The following DNAI7 variants were observed in gnomAD, a reference collection of about 807,000 sequenced individuals.
The protein encoded by DNAI7 is cancer susceptibility 1.
Under a neutral mutation model 86.6 loss-of-function variants are expected in DNAI7, and 78 were observed. That is an observed-to-expected ratio of 0.90 (90% CI 0.75 to 1.09). DNAI7 has a LOEUF of 1.09. Among genes scored for constraint, DNAI7 ranks in the 50% least tolerant of loss-of-function variants. The pLI is 0.00. For missense variants in DNAI7, 753 were observed against 810.2 expected, an observed-to-expected ratio of 0.93 and a Z score of 0.86; for synonymous variants, 274 against 273.0, an observed-to-expected ratio of 1.00 and a Z score of -0.04.
chr12:25,184,058 T>C (rs1242195605), intron 2 of DNAI7, among the ~76,000 whole-genome samples: 1 of 152,202 alleles, frequency 6.6e-6, no homozygotes, highest in African/African-American at 2.4e-5. Flanking sequence ...ACTCAATCTG[T>C]CCTTCCCCTA....
Position 25,121,758 on chromosome 12 carries a change from C to T in DNAI7, c.1234G>A (p.Val412Met). Residue 412 changes from valine (V) to methionine (M), a missense_variant, in exon 11 of 16, where the codon GTG becomes ATG. Val to Met is a conservative substitution (Grantham distance 21, BLOSUM62 1). Transcript: ENST00000395987. ...TGATTCAAGAATCAACCTACTTCCA[C>T]AATCATCCATCCCTTCACTGGTTTA... ...QCKPVKGWMI[V>M]EILKEGLQKY... is the part of the protein sequence containing the mutation. The T allele has an allele frequency of 6.3e-7, 1 of 1,595,332 alleles. No individual in the cohort carries two copies. The highest frequency in any genetic ancestry group is 1.4e-5 in the African/African-American group (1 of 73,878).
chr12:25,181,305 G>T (rs896809830), intron 2 of DNAI7, among the ~76,000 whole-genome samples: 5 of 143,696 alleles, frequency 3.5e-5, no homozygotes, highest in African/African-American at 1.2e-4. Context: ...TTGCAGAGGT[G>T]GGGGGGTCTC....
intron 2 of DNAI7, among the ~76,000 whole-genome samples, chr12:25,170,099 G>A (rs1350209328): frequency 6.6e-6 from 1 of 151,988 alleles, no homozygotes; most frequent in Non-Finnish European, 1.5e-5. Context: ...ATGGTTAAAG[G>A]CCTTGTCCCA....
Position 25,154,440 on chromosome 12 carries a change from T to C in DNAI7, c.317A>G (p.Gln106Arg). The change falls in exon 6 of 16, where the codon CAA (glutamine) becomes CGA (arginine). Residue 106 changes from glutamine (Q) to arginine (R), a missense_variant. Transcript: ENST00000395987. ...KLLSQWKHYIQCDGSPDPSVA... is the reference protein window; with the variant it reads ...KLLSQWKHYIRCDGSPDPSVA... ...TGAAGGATCAGGACTCCCATCACAT[T>C]GAATGTAGTGCTTCCACTGTGGAAT... 7.5e-6 allele frequency: 12 copies of C among 1,609,764 alleles called. No homozygotes were observed. The highest frequency in any genetic ancestry group is 1.0e-5 in the Non-Finnish European group (12 of 1,179,082).
intron 9 of DNAI7, among the ~76,000 whole-genome samples, chr12:25,141,188 C>T (rs776364774): frequency 2.0e-5 from 3 of 152,068 alleles, no homozygotes; most frequent in Non-Finnish European, 4.4e-5. Context: ...AAAGCAAATG[C>T]AACAACAACA....
chr12:25,145,549 G>A (rs1167165922), intron 8 of DNAI7, among the ~76,000 whole-genome samples: 1 of 152,054 alleles, frequency 6.6e-6, no homozygotes, highest in Non-Finnish European at 1.5e-5. Flanking sequence ...AATGAGAAAG[G>A]TTACTATATT....
At chr12:25,139,508 C>T (rs954251103) in intron 9 of DNAI7, among the ~76,000 whole-genome samples, 1 of 152,118 alleles carries the variant, frequency 6.6e-6, no homozygotes, top group Admixed American at 6.6e-5. Context: ...AAAGATAATT[C>T]ATGCAGCCAT....
intron 6 of DNAI7, among the ~76,000 whole-genome samples, chr12:25,153,941 G>A (rs1945858579): frequency 1.3e-5 from 2 of 152,272 alleles, no homozygotes; most frequent in South Asian, 4.1e-4. Context: ...CTAACAGAGT[G>A]TATACCTGGC....
At chr12:25,144,714 C>G in intron 8 of DNAI7, 37 bp from the exon 9 acceptor site, 1 of 1,493,834 alleles carries the variant, frequency 6.7e-7, no homozygotes, top group Non-Finnish European at 9.2e-7. Flanking sequence ...AAGATGAGAC[C>G]CTAGGAAACT....
intron 9 of DNAI7, among the ~76,000 whole-genome samples, chr12:25,139,049 C>T (rs1478797742): frequency 6.6e-6 from 1 of 151,810 alleles, no homozygotes; most frequent in East Asian, 1.9e-4. Context: ...CACAGAAATA[C>T]AAAAGATCAT....
chr12:25,182,713 C>A (rs952563995), intron 2 of DNAI7, among the ~76,000 whole-genome samples: 2 of 151,442 alleles, frequency 1.3e-5, no homozygotes, highest in Non-Finnish European at 2.9e-5. Context: ...ACCTGAGCCC[C>A]AAAGTTTAAG....
intron 1 of DNAI7, among the ~76,000 whole-genome samples, chr12:25,194,219 A>T (rs1434207655): frequency 6.6e-6 from 1 of 152,194 alleles, no homozygotes; most frequent in Non-Finnish European, 1.5e-5. Flanking sequence ...CCCCTCACTG[A>T]AATTTCATCA....
At chr12:25,165,065 T>G (rs968508911) in intron 2 of DNAI7, among the ~76,000 whole-genome samples, 1 of 152,192 alleles carries the variant, frequency 6.6e-6, no homozygotes, top group Admixed American at 6.5e-5. Flanking sequence ...CGCAGCCCAG[T>G]TCATGGCTCA....
At position 25,108,622 on chromosome 12, in the gene DNAI7, T is replaced by C. The variant is rs1439602292; in HGVS notation, c.2095A>G (p.Arg699Gly). 3.7e-6 allele frequency: 6 copies of C among 1,613,714 alleles called. No homozygotes were observed. In the East Asian group the frequency reaches 1.3e-4, roughly 36 times the overall value. Reference sequence around the variant, plus strand: ...TTGACAAACTGACAGTTGGAACTCCTGACTTTCTCCATTGCTTCCTCAGAA... The same window carrying C: ...TTGACAAACTGACAGTTGGAACTCCCGACTTTCTCCATTGCTTCCTCAGAA... ...FASEEAMEKVRSSNCQFVNSV... is the reference protein window; with the variant it reads ...FASEEAMEKVGSSNCQFVNSV... Residue 699 changes from arginine (R) to glycine (G), a missense_variant, in exon 16 of 16, where the codon AGG (arginine) becomes GGG (glycine). Coordinates refer to ENST00000395987, the MANE Select transcript of DNAI7 (RefSeq NM_018272.5).
At chr12:25,170,962 G>C (rs67710161) in intron 2 of DNAI7, among the ~76,000 whole-genome samples, 32,822 of 151,920 alleles carry the variant, frequency 0.22, 4,107 homozygotes, top group African/African-American at 0.34. Flanking sequence ...AAAACCTCTG[G>C]GATACAGCAA....
chr12:25,125,369 A>C (rs1471798707), intron 9 of DNAI7, among the ~76,000 whole-genome samples: 1 of 152,200 alleles, frequency 6.6e-6, no homozygotes, highest in Admixed American at 6.5e-5. Flanking sequence ...TCTAATGATC[A>C]GCGATATTGG....
At position 25,147,038 on chromosome 12, in the gene DNAI7, T is replaced by C. The variant is rs565821763; in HGVS notation, c.652A>G (p.Thr218Ala). Residue 218 changes from threonine (T) to alanine (A), a missense_variant, in exon 8 of 16, where the codon ACT becomes GCT. Thr to Ala is a moderately conservative substitution (Grantham distance 58). Transcript: ENST00000395987. ...TTGAGGTTTGCCCACACATACAGAGTAACATTTTCATCTTTAATGACTTTT... is the reference window on the plus strand; with the variant it reads ...TTGAGGTTTGCCCACACATACAGAGCAACATTTTCATCTTTAATGACTTTT... ...MEKVIKDENV[T>A]LYVWANLKKN... The C allele has an allele frequency of 1.1e-5, 18 of 1,605,624 alleles. No individual in the cohort carries two copies. The highest frequency in any genetic ancestry group is 6.7e-5 in the African/African-American group (5 of 74,688).
chr12:25,185,565 T>C (rs902977791), intron 2 of DNAI7, among the ~76,000 whole-genome samples: 6 of 152,242 alleles, frequency 3.9e-5, no homozygotes, highest in African/African-American at 1.4e-4. Flanking sequence ...CATTTTTTGG[T>C]ACAAATAAAT....
rs1941607183 is a variant in DNAI7, at chr12:25,123,305, A to T, written c.1003-19T>A. ...CAGAACTCTATAAAAAACCACAGAC[A>T]TATGGGTGTGATTGTCAGTGTCTAC... On this transcript the variant is annotated intron_variant, in intron 9 of 15. Transcript: ENST00000395987. 1 of 1,559,814 alleles carries T rather than the reference A, an allele frequency of 6.4e-7. No individual in the cohort carries two copies. Among genetic ancestry groups the T allele is most frequent in the African/African-American group, 1.4e-5 (1 of 73,278 alleles).
Sources: gnomAD v4.1 joint callset for allele counts (sites outside exome capture counted in the v4.1 genomes callset) on GRCh38, gnomAD v4.1.1 for gene constraint, MANE v1.5 for transcripts, NCBI Gene and HGNC (gene_info 2026-07-23, HGNC 2026-07-21) for gene names.